The following KCNH1 variants were observed in gnomAD, a reference collection of about 807,000 sequenced individuals.
KCNH1 encodes potassium voltage-gated channel subfamily H member 1, also known as voltage-gated delayed rectifier potassium channel KCNH1.
Under a neutral mutation model 69.2 loss-of-function variants are expected in KCNH1, and 27 were observed. That is an observed-to-expected ratio of 0.39 (90% CI 0.29 to 0.54). The LOEUF (loss-of-function observed/expected upper bound fraction) is 0.54, where lower values mean the gene tolerates loss of function less well. Among genes scored for constraint, KCNH1 ranks in the 20% least tolerant of loss-of-function variants. The probability of loss-of-function intolerance (pLI) is 0.68; values close to 1 mark genes in which losing one functional copy is unlikely to be tolerated. For synonymous variants in KCNH1, 456 were observed against 487.7 expected, an observed-to-expected ratio of 0.93 and a Z score of 0.86; for missense variants, 798 against 1,261.6, an observed-to-expected ratio of 0.63 and a Z score of 5.57.
At chr1:210,778,683 C>T (rs1009894007) in intron 9 of KCNH1, among the ~76,000 whole-genome samples, 9 of 152,158 alleles carry the variant, frequency 5.9e-5, no homozygotes, top group African/African-American at 2.2e-4. Flanking sequence ...GGCAGATTTT[C>T]CTCTGGAAGT....
chr1:210,819,516 G>A (rs976752423), intron 7 of KCNH1, among the ~76,000 whole-genome samples: 8 of 151,942 alleles, frequency 5.3e-5, no homozygotes, highest in African/African-American at 1.9e-4. Context: ...AATTACTGCG[G>A]CTCCAAGGCA....
intron 6 of KCNH1, among the ~76,000 whole-genome samples, chr1:211,002,107 C>T (rs971063108): frequency 2.6e-5 from 4 of 152,012 alleles, no homozygotes; most frequent in East Asian, 1.9e-4. Context: ...CACATGTACA[C>T]GTATGTAACA....
intron 1 of KCNH1, among the ~76,000 whole-genome samples, chr1:211,113,739 A>G (rs892726307): frequency 7.2e-5 from 11 of 152,020 alleles, no homozygotes; most frequent in East Asian, 3.9e-4. Context: ...GAAGTCCCCA[A>G]CTGCCCGTGG....
At chr1:210,744,674 C>A (rs191078313) in intron 10 of KCNH1, among the ~76,000 whole-genome samples, 283 of 151,966 alleles carry the variant, frequency 1.9e-3, no homozygotes, top group African/African-American at 5.9e-3. Context: ...ACAAAAAAAA[C>A]CCCACAGGTT....
intron 6 of KCNH1, among the ~76,000 whole-genome samples, chr1:210,951,046 G>C (rs1688054315): frequency 6.6e-6 from 1 of 152,234 alleles, no homozygotes; most frequent in Non-Finnish European, 1.5e-5. Context: ...AATGGGTAAA[G>C]AGTCATTCTT....
At chr1:211,030,051 A>C (rs561595799) in intron 5 of KCNH1, among the ~76,000 whole-genome samples, 4 of 152,226 alleles carry the variant, frequency 2.6e-5, no homozygotes, top group Non-Finnish European at 5.9e-5. Flanking sequence ...CTAAATTAGA[A>C]GACAAAACAT....
At chr1:211,093,629 A>G (rs1207045187) in intron 3 of KCNH1, among the ~76,000 whole-genome samples, 1 of 152,210 alleles carries the variant, frequency 6.6e-6, no homozygotes, top group Non-Finnish European at 1.5e-5. Context: ...ATTCCTTTGC[A>G]GTATCTAAAT....
chr1:210,949,488 G>T (rs1688022268), intron 6 of KCNH1, among the ~76,000 whole-genome samples: 1 of 152,178 alleles, frequency 6.6e-6, no homozygotes, highest in Non-Finnish European at 1.5e-5. Context: ...AGTTGTTGTT[G>T]TTTTAACACA....
At chr1:210,974,904 T>G (rs1446698248) in intron 6 of KCNH1, among the ~76,000 whole-genome samples, 1 of 152,152 alleles carries the variant, frequency 6.6e-6, no homozygotes, top group East Asian at 1.9e-4. Flanking sequence ...ATCATACATA[T>G]CACATCTATA....
At chr1:210,832,921 T>TATATATATATATATATATATATATAC (rs10693882) in intron 7 of KCNH1, among the ~76,000 whole-genome samples, 10 of 144,286 alleles carry the variant, frequency 6.9e-5, no homozygotes, top group Admixed American at 2.1e-4. Flanking sequence ...TATATATATA[T>TATATATATATATATATATATATATAC]ACATATAAAT....
chr1:210,944,598 G>T (rs1311202226), intron 6 of KCNH1, among the ~76,000 whole-genome samples: 1 of 152,238 alleles, frequency 6.6e-6, no homozygotes, highest in Admixed American at 6.5e-5. Context: ...TAAGGAACCA[G>T]AAGTGCAGGG....
At chr1:210,914,820 T>A (rs1401733020) in intron 7 of KCNH1, among the ~76,000 whole-genome samples, 1 of 151,966 alleles carries the variant, frequency 6.6e-6, no homozygotes, top group African/African-American at 2.4e-5. Flanking sequence ...AAGAAATGAA[T>A]TCAAAGAGAC....
At chr1:211,022,058 T>A (rs191158237) in intron 5 of KCNH1, among the ~76,000 whole-genome samples, 1 of 152,180 alleles carries the variant, frequency 6.6e-6, no homozygotes, top group African/African-American at 2.4e-5. Context: ...AGGAATCACA[T>A]TACCTGACTT....
At chr1:210,916,963 C>T (rs1288586773) in intron 7 of KCNH1, among the ~76,000 whole-genome samples, 1 of 151,952 alleles carries the variant, frequency 6.6e-6, no homozygotes, top group East Asian at 1.9e-4. Flanking sequence ...GCCTGGCCAA[C>T]ATGGTGAAAC....
chr1:210,829,779 C>T (rs1167275202), intron 7 of KCNH1, among the ~76,000 whole-genome samples: 1 of 152,186 alleles, frequency 6.6e-6, no homozygotes, highest in Non-Finnish European at 1.5e-5. Flanking sequence ...TCAACGCCCC[C>T]TCTGGCACTT....
intron 6 of KCNH1, among the ~76,000 whole-genome samples, chr1:210,944,527 C>G (rs1269558923): frequency 6.6e-6 from 1 of 152,142 alleles, no homozygotes; most frequent in African/African-American, 2.4e-5. Context: ...TCTGGGACCA[C>G]AGAACTTTGG....
chr1:211,047,506 G>A (rs1008242467), intron 5 of KCNH1, among the ~76,000 whole-genome samples: 5 of 152,096 alleles, frequency 3.3e-5, no homozygotes, highest in Admixed American at 6.6e-5. Context: ...TTTGAAAGCC[G>A]AACCTGGCAA....
At chr1:211,051,505 T>C (rs1282404094) in intron 5 of KCNH1, among the ~76,000 whole-genome samples, 2 of 151,648 alleles carry the variant, frequency 1.3e-5, no homozygotes, top group African/African-American at 2.4e-5. Flanking sequence ...ACTTGAAGAG[T>C]AGGAAGTAGC....
intron 1 of KCNH1, among the ~76,000 whole-genome samples, chr1:211,123,587 C>G (rs1691725545): frequency 6.6e-6 from 1 of 152,006 alleles, no homozygotes. Context: ...AAGACGGTGA[C>G]AGACGGTGAC....
Sources: allele counts gnomAD v4.1 joint callset (sites outside exome capture counted in the v4.1 genomes callset), GRCh38; gene constraint gnomAD v4.1.1; transcripts MANE v1.5; gene names NCBI Gene and HGNC (gene_info 2026-07-23, HGNC 2026-07-21).